Variants in RGS7 observed in about 807,000 individuals in gnomAD.
RGS7 encodes regulator of G protein signaling 7.
RGS7 carries 27 observed loss-of-function variants against 81.1 expected under a neutral mutation model. The ratio of observed to expected loss-of-function variants is 0.33; its 90% CI spans 0.25 to 0.46. The LOEUF is 0.46. RGS7 is among the 20% of genes least tolerant of loss of function. RGS7 has a pLI of 1.00. For missense variants in RGS7, 396 were observed against 607.4 expected (o/e 0.65, Z 3.66); for synonymous variants, 208 against 207.7 (o/e 1.00, Z -0.01).
chr1:241,196,531 T>G (rs2073090355), intron 2 of RGS7, among the ~76,000 whole-genome samples: 2 of 151,904 alleles, frequency 1.3e-5, no homozygotes, highest in Admixed American at 1.3e-4. Flanking sequence ...CCATGAGAAA[T>G]GCAGTTATTG....
At chr1:240,896,716 G>A (rs937697639) in intron 6 of RGS7, among the ~76,000 whole-genome samples, 8 of 152,124 alleles carry the variant, frequency 5.3e-5, no homozygotes, top group African/African-American at 1.9e-4. Context: ...TCAGGTTAGC[G>A]TGATGCCTCC....
intron 6 of RGS7, among the ~76,000 whole-genome samples, chr1:240,923,769 T>G (rs1215502374): frequency 1.3e-5 from 2 of 151,542 alleles, no homozygotes; most frequent in South Asian, 2.1e-4. Flanking sequence ...TTGAAAGCAC[T>G]GCAATGTTTT....
intron 9 of RGS7, among the ~76,000 whole-genome samples, chr1:240,852,266 T>C (rs1012550148): frequency 3.3e-5 from 5 of 152,200 alleles, no homozygotes; most frequent in African/African-American, 1.2e-4. Context: ...GGTTACAACT[T>C]TTGCTAAAGG....
At chr1:241,068,257 T>TATATATATATATATATAG (rs1433690559) in intron 3 of RGS7, among the ~76,000 whole-genome samples, 1 of 73,268 alleles carries the variant, frequency 1.4e-5, no homozygotes, top group African/African-American at 4.4e-5. Flanking sequence ...TATATATATA[T>TATATATATATATATATAG]AAAATATTGT....
At chr1:241,123,225 G>A (rs7550909) in intron 2 of RGS7, among the ~76,000 whole-genome samples, 36,298 of 152,024 alleles carry the variant, frequency 0.24, 4,682 homozygotes, top group African/African-American at 0.34. Context: ...GGCTGGACCA[G>A]CAGCTCCCTC....
intron 2 of RGS7, among the ~76,000 whole-genome samples, chr1:241,230,743 C>A (rs2815859): frequency 4.6e-5 from 7 of 152,074 alleles, no homozygotes; most frequent in Admixed American, 2.6e-4. Flanking sequence ...GTGTTCTGTC[C>A]TAGGACCGTG....
chr1:241,306,079 T>C (rs2080095372), intron 2 of RGS7, among the ~76,000 whole-genome samples: 3 of 151,930 alleles, frequency 2.0e-5, no homozygotes, highest in Non-Finnish European at 4.4e-5. Context: ...ATGGTTAATA[T>C]ATTTTCCAAG....
chr1:240,953,536 A>C (rs1679892728), intron 4 of RGS7, among the ~76,000 whole-genome samples: 1 of 151,996 alleles, frequency 6.6e-6, no homozygotes, highest in Admixed American at 6.5e-5. Flanking sequence ...AATTATTTTT[A>C]ACTAAATTAA....
intron 2 of RGS7, among the ~76,000 whole-genome samples, chr1:241,149,988 G>A (rs985840751): frequency 6.6e-6 from 1 of 152,078 alleles, no homozygotes; most frequent in Non-Finnish European, 1.5e-5. Context: ...TGGCTAGGCT[G>A]GTCTTGAACT....
intron 18 of RGS7, among the ~76,000 whole-genome samples, chr1:240,796,200 T>A (rs956551609): frequency 6.6e-6 from 1 of 152,232 alleles, no homozygotes; most frequent in African/African-American, 2.4e-5. Context: ...TTACCACTTA[T>A]ATATAATCTG....
rs372698738 is a variant in RGS7, at chr1:240,983,979, T to C, written c.176-850A>G. Among the ~76,000 whole-genome samples, 131 of 152,332 alleles carry C rather than the reference T, an allele frequency of 8.6e-4. 1 individual carries two copies. The highest frequency in any genetic ancestry group is 2.8e-3 in the African/African-American group (117 of 41,584). On this transcript the variant is annotated intron_variant, in intron 3 of 18. Coordinates refer to ENST00000440928, the MANE Select transcript of RGS7 (RefSeq NM_001364886.1). ...TTTGAGCTAGATTTTGAAGGATGTA[T>C]TTTTATCTATGAATAAGAGAGAAAT...
At chr1:241,326,245 C>T (rs890313923) in intron 2 of RGS7, among the ~76,000 whole-genome samples, 13 of 152,140 alleles carry the variant, frequency 8.5e-5, no homozygotes, top group Admixed American at 8.5e-4. Flanking sequence ...TGGTTGCGTA[C>T]GTACACCAGC....
intron 4 of RGS7, among the ~76,000 whole-genome samples, chr1:240,979,537 G>C (rs182399301): frequency 9.8e-5 from 15 of 152,298 alleles, no homozygotes; most frequent in African/African-American, 3.6e-4. Context: ...TTGAGAAGTG[G>C]AAAAATCGGG....
chr1:240,809,529 G>C (rs1689477297), intron 14 of RGS7, among the ~76,000 whole-genome samples: 1 of 152,134 alleles, frequency 6.6e-6, no homozygotes, highest in Non-Finnish European at 1.5e-5. Flanking sequence ...GCTTGGTACT[G>C]GTTTGTAGGA....
At chr1:240,955,113 T>C (rs1343743453) in intron 4 of RGS7, among the ~76,000 whole-genome samples, 1 of 152,178 alleles carries the variant, frequency 6.6e-6, no homozygotes, top group Non-Finnish European at 1.5e-5. Flanking sequence ...TCCATGTTCA[T>C]GGACTGGAAT....
At chr1:241,232,783 C>A (rs530775672) in intron 2 of RGS7, among the ~76,000 whole-genome samples, 1 of 152,084 alleles carries the variant, frequency 6.6e-6, no homozygotes, top group Admixed American at 6.5e-5. Context: ...TCTGTGAACA[C>A]GTAATGTCTC....
At chr1:241,308,252 A>C (rs1052606416) in intron 2 of RGS7, among the ~76,000 whole-genome samples, 1 of 152,178 alleles carries the variant, frequency 6.6e-6, no homozygotes, top group African/African-American at 2.4e-5. Flanking sequence ...CTGTTCTCTC[A>C]ATCAAATCCC....
At position 241,220,971 on chromosome 1, in the gene RGS7, AAGGAAGGAAGGAAGG is replaced by A. The variant is rs1402620472; in HGVS notation, c.79-122224_79-122210del. On this transcript the variant is annotated intron_variant, in intron 2 of 18. Transcript: ENST00000440928. ...GAAGCAAGGAAGGAAGGAAGGAAGG[AAGGAAGGAAGGAAGG>A]AAGGAAGGAAGAGAGAGAGAAAGGA... Among the ~76,000 whole-genome samples, 13 of 95,872 alleles carry A rather than the reference AAGGAAGGAAGGAAGG, an allele frequency of 1.4e-4. 1 individual carries two copies. Among genetic ancestry groups the A allele is most frequent in the African/African-American group, 4.8e-4 (12 of 25,206 alleles). 62.9% of individuals were successfully genotyped at this position (95,872 alleles called of 152,430 possible).
At chr1:241,054,045 C>T (rs976484132) in intron 3 of RGS7, among the ~76,000 whole-genome samples, 4 of 152,092 alleles carry the variant, frequency 2.6e-5, no homozygotes, top group African/African-American at 7.2e-5. Context: ...TGGTCAGAAG[C>T]GCTCTATGAC....
Sources: gnomAD v4.1 joint callset for allele counts (sites outside exome capture counted in the v4.1 genomes callset) on GRCh38, gnomAD v4.1.1 for gene constraint, MANE v1.5 for transcripts, NCBI Gene and HGNC (gene_info 2026-07-23, HGNC 2026-07-21) for gene names.